The following BACH1 variants were observed in gnomAD, a reference collection of about 807,000 sequenced individuals.
BACH1 encodes BTB domain and CNC homolog 1.
A neutral mutation model predicts 52.9 loss-of-function variants in BACH1; 35 were observed. That is an observed-to-expected ratio of 0.66 (90% CI 0.51 to 0.88). BACH1 has a LOEUF of 0.88. Ranked by LOEUF, BACH1 falls within the 40% of genes least tolerant of loss-of-function variation. The pLI is 0.00. For synonymous variants in BACH1, 321 were observed against 319.6 expected (o/e 1.00, Z -0.05); for missense variants, 808 against 872.6 (o/e 0.93, Z 0.93).
chr21:29,322,288 C>A (rs144292460), intron 2 of BACH1, among the ~76,000 whole-genome samples: 2 of 152,310 alleles, frequency 1.3e-5, no homozygotes, highest in Non-Finnish European at 2.9e-5. Context: ...CAAGACATCT[C>A]CTATGAAAAG....
In BACH1 at chr21:29,327,404, A is replaced by G. The variant is rs755794107; in HGVS notation, c.1569+11A>G. The G allele has an allele frequency of 6.2e-7, 1 of 1,605,352 alleles. No homozygotes were observed. ...GAACAAGAATGTGAGGTGAGCAGGA[A>G]TATGTTCTTAATTCATTGTTTTAAT... On this transcript the variant is annotated intron_variant, in intron 3 of 4. Transcript: ENST00000286800.
At chr21:29,358,271 A>G (rs1332741377) in intron 2 of BACH1, among the ~76,000 whole-genome samples, 1 of 152,226 alleles carries the variant, frequency 6.6e-6, no homozygotes, top group African/African-American at 2.4e-5. Context: ...CACATTTGAC[A>G]ATATCCAATA....
chr21:29,334,398 G>A (rs914918672), intron 4 of BACH1, among the ~76,000 whole-genome samples: 2 of 152,072 alleles, frequency 1.3e-5, no homozygotes, highest in African/African-American at 2.4e-5. Flanking sequence ...GCGCTCGGCC[G>A]ACTTTTAAAA....
At chr21:29,303,170 G>A (rs911419830) in intron 1 of BACH1, among the ~76,000 whole-genome samples, 1 of 152,162 alleles carries the variant, frequency 6.6e-6, no homozygotes, top group East Asian at 1.9e-4. Context: ...TTTCTTCTAA[G>A]TATTATGTTT....
rs2088915660 is a variant in BACH1, at chr21:29,326,668, A to G, written c.844A>G (p.Ser282Gly). Residue 282 changes from serine to glycine, a missense_variant, in exon 3 of 5, where the codon AGT (serine) becomes GGT (glycine). Coordinates refer to ENST00000286800, the MANE Select transcript of BACH1 (RefSeq NM_001186.4). ...GCAGGTGATGTTAAAATGTGACGAA[A>G]GTAAATTAGCAATGGAACCTGAAGA... ...DLQVMLKCDE[S>G]KLAMEPEETK... The G allele has an allele frequency of 1.9e-6, 3 of 1,614,094 alleles. No individual in the cohort carries two copies. Among genetic ancestry groups the G allele is most frequent in the Non-Finnish European group, 2.5e-6 (3 of 1,180,036 alleles).
intron 4 of BACH1, among the ~76,000 whole-genome samples, chr21:29,331,626 A>C (rs901355975): frequency 3.3e-5 from 5 of 152,128 alleles, no homozygotes; most frequent in Admixed American, 6.5e-5. Flanking sequence ...TCCTTCTTAG[A>C]GAGGTGGCAG....
In BACH1 at chr21:29,322,995, A is replaced by G. The variant is rs140175398; in HGVS notation, c.234+1481A>G. On this transcript the variant is annotated intron_variant, in intron 2 of 4. Coordinates refer to ENST00000286800, the MANE Select transcript of BACH1 (RefSeq NM_001186.4). ...TTTAGGAGGAAAGGTATGTGCATAC[A>G]TGCATGTGTGTATGCATTCATTCAT... 4.0e-5 allele frequency among the ~76,000 whole-genome samples: 6 copies of G among 150,190 alleles called. No homozygotes were observed. The East Asian group carries it at 9.9e-4, about 25-fold the overall frequency.
At chr21:29,317,907 A>G (rs2088806698) in intron 1 of BACH1, among the ~76,000 whole-genome samples, 1 of 152,086 alleles carries the variant, frequency 6.6e-6, no homozygotes, top group South Asian at 2.1e-4. Context: ...AGGTTAAGCA[A>G]CTTGGCCAAG....
intron 2 of BACH1, among the ~76,000 whole-genome samples, chr21:29,352,905 G>T (rs1319030786): frequency 6.6e-6 from 1 of 152,050 alleles, no homozygotes; most frequent in Non-Finnish European, 1.5e-5. Flanking sequence ...TAGAGATGGG[G>T]TTTCACCGTG....
Position 29,326,551 on chromosome 21 carries a change from G to A in BACH1, c.727G>A (p.Glu243Lys), listed in dbSNP as rs1278610531. 4 of 1,614,188 alleles carry A rather than the reference G, an allele frequency of 2.5e-6. No homozygotes were observed. The highest frequency in any genetic ancestry group is 2.5e-6 in the Non-Finnish European group (3 of 1,180,040). The change falls in exon 3 of 5, where the codon GAA becomes AAA. Residue 243 changes from glutamate (E) to lysine (K), a missense_variant. By Grantham distance (56) the Glu-to-Lys change is moderately conservative. Transcript: ENST00000286800. ...AFGTDRVRTG[E>K]SSVKDIHASV... ...TGGAACTGACAGAGTCCGTACTGGG[G>A]AATCTAGTGTCAAAGACATTCATGC...
chr21:29,331,297 C>T (rs903317556), intron 4 of BACH1, among the ~76,000 whole-genome samples: 17 of 152,288 alleles, frequency 1.1e-4, no homozygotes, highest in African/African-American at 3.6e-4. Context: ...CTTTTTCTTG[C>T]TCTTTCTCGT....
chr21:29,359,939 A>G (rs995750897), intron 2 of BACH1, among the ~76,000 whole-genome samples: 5 of 152,188 alleles, frequency 3.3e-5, no homozygotes, highest in Admixed American at 2.6e-4. Flanking sequence ...CCTATTGTTT[A>G]TGTAAAAATG....
downstream of BACH1, among the ~76,000 whole-genome samples, chr21:29,348,255 A>G (rs1172688510): frequency 2.0e-5 from 3 of 152,168 alleles, no homozygotes; most frequent in East Asian, 5.8e-4. Context: ...GTGCTCCAGA[A>G]GGAACTAGGT....
intron 4 of BACH1, among the ~76,000 whole-genome samples, chr21:29,336,484 T>A (rs2089045594): frequency 6.6e-6 from 1 of 151,994 alleles, no homozygotes; most frequent in African/African-American, 2.4e-5. Context: ...GATGTGTTAC[T>A]TGGGCACTTT....
chr21:29,330,399 C>T (rs1459792937), intron 4 of BACH1, among the ~76,000 whole-genome samples: 1 of 151,974 alleles, frequency 6.6e-6, no homozygotes, highest in Non-Finnish European at 1.5e-5. Context: ...CCAGGATGGT[C>T]TCGATCTCCT....
chr21:29,355,590 C>A (rs557228654), intron 2 of BACH1, among the ~76,000 whole-genome samples: 1 of 152,322 alleles, frequency 6.6e-6, no homozygotes, highest in African/African-American at 2.4e-5. Flanking sequence ...GAGGGGAACT[C>A]TCTAGGCCAG....
chr21:29,341,956 T>C (rs1257520406), intron 4 of BACH1, among the ~76,000 whole-genome samples: 3 of 152,224 alleles, frequency 2.0e-5, no homozygotes, highest in African/African-American at 4.8e-5. Flanking sequence ...ATACCTGTTA[T>C]GTACAGTCTG....
chr21:29,342,963 T>C lies in BACH1; in HGVS notation c.*130T>C. 1 of 878,502 alleles carries C rather than the reference T, an allele frequency of 1.1e-6. No individual in the cohort carries two copies. The highest frequency in any genetic ancestry group is 1.6e-6 in the Non-Finnish European group (1 of 615,300). The allele number at this position is 878,502 out of a possible 1,614,324, so 54.4% of individuals were successfully genotyped here. On this transcript the variant is annotated 3_prime_UTR_variant, in exon 5 of 5. Transcript: ENST00000286800. ...CTTTAGTAGTTTACCATAAGGGAATTTCCTTTAAGTCAACCATGATTTCTC... is the reference window on the plus strand; with the variant it reads ...CTTTAGTAGTTTACCATAAGGGAATCTCCTTTAAGTCAACCATGATTTCTC...
chr21:29,358,744 AAAAAGAAAAG>A (rs758608393), intron 2 of BACH1, among the ~76,000 whole-genome samples: 1 of 139,746 alleles, frequency 7.2e-6, no homozygotes, highest in African/African-American at 2.7e-5. Context: ...TGTCTCAGAA[AAAAAGAAAAG>A]AAAAGAAAAG....
Sources: allele counts gnomAD v4.1 joint callset (sites outside exome capture counted in the v4.1 genomes callset), GRCh38; gene constraint gnomAD v4.1.1; transcripts MANE v1.5; gene names NCBI Gene and HGNC (gene_info 2026-07-23, HGNC 2026-07-21).